SHOC1: variants seen among roughly 807,000 people sequenced by gnomAD.
SHOC1 encodes the protein shortage in chiasmata 1.
A neutral mutation model predicts 179.2 loss-of-function variants in SHOC1; 136 were observed. The observed-to-expected ratio is 0.76, with a 90% confidence interval of 0.66 to 0.87. The LOEUF (loss-of-function observed/expected upper bound fraction) is 0.87, where lower values mean the gene tolerates loss of function less well. Among genes scored for constraint, SHOC1 ranks in the 40% least tolerant of loss-of-function variants. The pLI, the probability that SHOC1 is intolerant of heterozygous loss-of-function variation, is 0.00. For missense variants in SHOC1, 1,538 were observed against 1,700.8 expected (o/e 0.90, Z 1.68); for synonymous variants, 489 against 586.6 (o/e 0.83, Z 2.41).
intron 15 of SHOC1, among the ~76,000 whole-genome samples, chr9:111,720,380 C>T (rs986747306): frequency 2.0e-5 from 3 of 152,192 alleles, no homozygotes; most frequent in Admixed American, 6.5e-5. Flanking sequence ...TCCTCTGGCT[C>T]CTCCTACAGT....
At chr9:111,779,792 A>G (rs954152540) in intron 4 of SHOC1, among the ~76,000 whole-genome samples, 1 of 152,178 alleles carries the variant, frequency 6.6e-6, no homozygotes, top group Non-Finnish European at 1.5e-5. Flanking sequence ...CTGCATTTTA[A>G]TAAGATCCTC....
intron 21 of SHOC1, among the ~76,000 whole-genome samples, 165 bp from the exon 22 acceptor site, chr9:111,704,157 T>G (rs1456122214): frequency 6.6e-6 from 1 of 152,246 alleles, no homozygotes; most frequent in Non-Finnish European, 1.5e-5. Flanking sequence ...AGTTATGATT[T>G]TTTCAGTATA....
At chr9:111,753,557 A>C (rs1441131714) in intron 8 of SHOC1, among the ~76,000 whole-genome samples, 1 of 152,242 alleles carries the variant, frequency 6.6e-6, no homozygotes, top group Non-Finnish European at 1.5e-5. Context: ...AAAAATCTTC[A>C]ACAAAATACT....
intron 13 of SHOC1, among the ~76,000 whole-genome samples, chr9:111,725,330 G>C (rs1226816965): frequency 3.3e-5 from 5 of 152,126 alleles, no homozygotes; most frequent in Non-Finnish European, 7.4e-5. Context: ...TATTAAGGCA[G>C]GGTCTCCCTC....
intron 27 of SHOC1, 52 bp from the exon 28 acceptor site, chr9:111,686,922 A>T: frequency 2.5e-5 from 25 of 996,394 alleles, no homozygotes; most frequent in Non-Finnish European, 3.0e-5. Flanking sequence ...ATAGTAAAGT[A>T]TAGGTTTTTT....
chr9:111,780,330 T>C (rs1835990775), intron 4 of SHOC1, among the ~76,000 whole-genome samples: 1 of 152,178 alleles, frequency 6.6e-6, no homozygotes, highest in Admixed American at 6.5e-5. Flanking sequence ...ACAGAGTAAA[T>C]TATTAAATTG....
chr9:111,776,910 C>T (rs1466785507), intron 4 of SHOC1, among the ~76,000 whole-genome samples: 1 of 152,190 alleles, frequency 6.6e-6, no homozygotes, highest in Admixed American at 6.5e-5. Context: ...TGGATAGAGA[C>T]GCAGAGCCAG....
chr9:111,693,400 G>A (rs1372391869), intron 26 of SHOC1, among the ~76,000 whole-genome samples: 6 of 112,420 alleles, frequency 5.3e-5, no homozygotes, highest in African/African-American at 2.0e-4. Flanking sequence ...GACTGACCAA[G>A]ATGGTGAAAC....
chr9:111,715,482 C>T (rs561966221), intron 16 of SHOC1, among the ~76,000 whole-genome samples: 1 of 152,266 alleles, frequency 6.6e-6, no homozygotes, highest in East Asian at 1.9e-4. Flanking sequence ...CTTCAGACCT[C>T]CCCCTGATTC....
rs750036009 is a variant in SHOC1, at chr9:111,741,573, G to GA, written c.1080-4dup. 1.9e-5 allele frequency: 29 copies of GA among 1,526,694 alleles called. No homozygotes were observed. Among genetic ancestry groups the GA allele is most frequent in the Middle Eastern group, 1.7e-4 (1 of 5,774 alleles). 94.6% of individuals were successfully genotyped at this position (1,526,694 alleles called of 1,614,324 possible). A position where few individuals can be genotyped will look rare whatever the true frequency, so the allele number is the denominator to read the frequency against. ...ATTCTTCAGCAGTAAGCAAATTACTGAAAAAAAGAGTTAAAGTTTAATACA... is the reference window on the plus strand; with the variant it reads ...ATTCTTCAGCAGTAAGCAAATTACTGAAAAAAAAGAGTTAAAGTTTAATACA... On this transcript the variant is annotated splice_polypyrimidine_tract_variant and splice_region_variant and intron_variant, in intron 10 of 27. Transcript: ENST00000682961.
chr9:111,715,353 A>T (rs1202700775), intron 16 of SHOC1, among the ~76,000 whole-genome samples: 26 of 152,234 alleles, frequency 1.7e-4, no homozygotes, highest in Admixed American at 1.7e-3. Flanking sequence ...AAATAAATTT[A>T]AAAAATTTAA....
intron 8 of SHOC1, among the ~76,000 whole-genome samples, chr9:111,753,912 T>C (rs115070300): frequency 0.012 from 1,808 of 152,158 alleles, 34 homozygotes; most frequent in African/African-American, 0.04. Context: ...TGAGGAGAAG[T>C]TGGTTAAAGG....
chr9:111,714,308 C>T, intron 17 of SHOC1, 137 bp downstream of exon 17: 2 of 732,476 alleles, frequency 2.7e-6, no homozygotes, highest in Non-Finnish European at 4.4e-6. Context: ...GTTCTGTTAC[C>T]TTATTCAAGG....
At chr9:111,714,708 T>A in intron 16 of SHOC1, 85 bp from the exon 17 acceptor site, 1 of 1,185,842 alleles carries the variant, frequency 8.4e-7, no homozygotes, top group Non-Finnish European at 1.2e-6. Context: ...AGAAAATAAG[T>A]CAAAGCAGAG....
intron 10 of SHOC1, among the ~76,000 whole-genome samples, chr9:111,742,129 C>T (rs543757757): frequency 1.3e-5 from 2 of 152,266 alleles, no homozygotes; most frequent in African/African-American, 4.8e-5. Flanking sequence ...ATTACTCCCA[C>T]CTCTACCTCC....
At chr9:111,749,902 ATTTTCT>A (rs1411498620) in intron 8 of SHOC1, among the ~76,000 whole-genome samples, 2 of 151,946 alleles carry the variant, frequency 1.3e-5, no homozygotes, top group Non-Finnish European at 2.9e-5. Flanking sequence ...TATGTACCAC[ATTTTCT>A]TTTTCCAGTC....
At chr9:111,728,146 T>C in intron 12 of SHOC1, 97 bp from the exon 13 acceptor site, 3 of 874,726 alleles carry the variant, frequency 3.4e-6, no homozygotes, top group Non-Finnish European at 4.9e-6. Context: ...TTCTTATTAA[T>C]GTAATTTGAT....
At chr9:111,756,910 C>G (rs1169525106) in intron 7 of SHOC1, among the ~76,000 whole-genome samples, 2 of 152,114 alleles carry the variant, frequency 1.3e-5, no homozygotes, top group East Asian at 3.9e-4. Flanking sequence ...CAGAACTTGA[C>G]TCCTCAACAA....
intron 5 of SHOC1, among the ~76,000 whole-genome samples, chr9:111,770,813 T>C (rs1391658862): frequency 6.6e-6 from 1 of 152,202 alleles, no homozygotes; most frequent in Non-Finnish European, 1.5e-5. Context: ...ATTTGTAGTC[T>C]ATTTTATATA....
Sources: gnomAD v4.1 joint callset for allele counts (sites outside exome capture counted in the v4.1 genomes callset) on GRCh38, gnomAD v4.1.1 for gene constraint, MANE v1.5 for transcripts, NCBI Gene and HGNC (gene_info 2026-07-23, HGNC 2026-07-21) for gene names.